TVP23A: variants seen among roughly 807,000 people sequenced by gnomAD.
The protein encoded by TVP23A is Golgi apparatus membrane protein TVP23 homolog A.
A neutral mutation model predicts 31.7 loss-of-function variants in TVP23A; 21 were observed. The observed-to-expected ratio is 0.66, with a 90% confidence interval of 0.47 to 0.95. TVP23A has a LOEUF of 0.95. Ranked by LOEUF, TVP23A falls within the 40% of genes least tolerant of loss-of-function variation. The pLI is 0.00. For synonymous variants in TVP23A, 104 were observed against 96.0 expected, an observed-to-expected ratio of 1.08 and a Z score of -0.49; for missense variants, 279 against 255.6, an observed-to-expected ratio of 1.09 and a Z score of -0.62.
rs374038802 is a variant in TVP23A at position 10,767,408 on chromosome 16, C to A, written c.*1694G>T. On this transcript the variant is annotated 3_prime_UTR_variant, in exon 8 of 8. Coordinates refer to ENST00000299866, the MANE Select transcript of TVP23A (RefSeq NM_001079512.4). The surrounding 1 kb of genome is among the most constrained non-coding windows in gnomAD (Gnocchi z 4.6). ...CCTGGAAGATAAAATTATACACAGA[C>A]AAAGCAGCAGGCAGAATGTGTGTGT... 5.0e-5 allele frequency: 20 copies of A among 400,124 alleles called. No individual in the cohort carries two copies. The highest frequency in any genetic ancestry group is 3.5e-4 in the African/African-American group (17 of 48,762). The allele number at this position is 400,124 out of a possible 1,614,324, so 24.8% of individuals were successfully genotyped here. A position where few individuals can be genotyped will look rare whatever the true frequency, so the allele number is the denominator to read the frequency against.
At chr16:10,758,102 A>G (rs941037581), downstream of TVP23A, 3 of 1,536,304 alleles carry the variant, frequency 2.0e-6, no homozygotes, top group South Asian at 3.5e-5. Context: ...CCTGGCTCTG[A>G]TACTCTGGTC....
At chr16:10,787,711 A>T (rs185548335) in intron 2 of TVP23A, among the ~76,000 whole-genome samples, 2 of 152,050 alleles carry the variant, frequency 1.3e-5, no homozygotes, top group East Asian at 3.9e-4. Flanking sequence ...TCTCTCTCAC[A>T]GGAGAGAGAG....
Position 10,767,711 on chromosome 16 carries a change from G to A in TVP23A, c.*1391C>T. ...CTGAATCAGTTCTCTGTAGGGCCCT[G>A]GAACCTGCATTTTCTGTACACCACC... On this transcript the variant is annotated 3_prime_UTR_variant, in exon 8 of 8. Coordinates refer to ENST00000299866, the MANE Select transcript of TVP23A (RefSeq NM_001079512.4). The surrounding 1 kb of genome is among the most constrained non-coding windows in gnomAD (Gnocchi z 4.6). 1.8e-6 allele frequency: 1 copy of A among 566,734 alleles called. No homozygotes were observed. The highest frequency in any genetic ancestry group is 3.1e-5 in the Admixed American group (1 of 32,302). The allele number at this position is 566,734 out of a possible 1,614,324, so 35.1% of individuals were successfully genotyped here.
chr16:10,798,446 T>A lies in TVP23A; in HGVS notation c.89+19657A>T, dbSNP rs569440803. Among the ~76,000 whole-genome samples the A allele has an allele frequency of 2.6e-5, 4 of 152,248 alleles. No individual in the cohort carries two copies. The South Asian group carries it at 8.3e-4, about 32-fold the overall frequency. On this transcript the variant is annotated intron_variant, in intron 2 of 7. Transcript: ENST00000299866. ...GCACAGTGGACACGGTAGATACCCA[T>A]GCGTTTGTTCCTTCTTTGGGATGGG...
intron 2 of TVP23A, among the ~76,000 whole-genome samples, chr16:10,787,173 ATG>A (rs2032810996): frequency 6.6e-6 from 1 of 152,212 alleles, no homozygotes; most frequent in Admixed American, 6.5e-5. Flanking sequence ...CTTGCTGGGT[ATG>A]CAGTCCTGGA....
At chr16:10,776,990 G>C (rs2032070632) in intron 2 of TVP23A, among the ~76,000 whole-genome samples, 1 of 152,086 alleles carries the variant, frequency 6.6e-6, no homozygotes, top group South Asian at 2.1e-4. Context: ...AGGTCTTTAT[G>C]ACCTGTATCC....
At chr16:10,782,098 G>C (rs2032461869) in intron 2 of TVP23A, among the ~76,000 whole-genome samples, 1 of 151,866 alleles carries the variant, frequency 6.6e-6, no homozygotes, top group Admixed American at 6.6e-5. Flanking sequence ...CTGACCTCAG[G>C]TGATCCACCT....
At chr16:10,770,197 G>A in intron 7 of TVP23A, 75 bp downstream of exon 7, 1 of 1,528,064 alleles carries the variant, frequency 6.5e-7, no homozygotes, top group Non-Finnish European at 8.8e-7. Context: ...CAGACCCCGG[G>A]CCCCTGTGCC....
At position 10,767,208 on chromosome 16, in the gene TVP23A, G is replaced by C; in HGVS notation, c.*1894C>G. On this transcript the variant is annotated 3_prime_UTR_variant, in exon 8 of 8. Transcript: ENST00000299866. The surrounding 1 kb of genome is among the most constrained non-coding windows in gnomAD (Gnocchi z 4.6). The stretch of plus-strand genomic sequence containing the variant: ...CAGGTCCACCCACGACTGGGGGCTG[G>C]CAGGGCAGACTGGAGGCGAGAACAC... The C allele has an allele frequency of 2.5e-6, 1 of 399,908 alleles. No individual in the cohort carries two copies. The allele number at this position is 399,908 out of a possible 1,614,324, so 24.8% of individuals were successfully genotyped here.
chr16:10,773,532 GC>G, intron 4 of TVP23A, 91 bp from the exon 5 acceptor site: 1 of 1,419,232 alleles, frequency 7.0e-7, no homozygotes, highest in Non-Finnish European at 9.5e-7. Flanking sequence ...TTTTGCAGAT[GC>G]TTTTGTTGCT....
In TVP23A at chr16:10,771,606, C is replaced by T. The variant is rs2031626064; in HGVS notation, c.582+64G>A. 4.4e-6 allele frequency: 7 copies of T among 1,597,330 alleles called. No individual in the cohort carries two copies. The South Asian group carries it at 7.8e-5, about 18-fold the overall frequency. On this transcript the variant is annotated intron_variant, in intron 6 of 7. Coordinates refer to ENST00000299866, the MANE Select transcript of TVP23A (RefSeq NM_001079512.4). Reference sequence around the variant, plus strand: ...TTACATTACAAACCGCAGTTGCCAGCAGGCCACCTTGACTTTGACTACCTG... The same window carrying T: ...TTACATTACAAACCGCAGTTGCCAGTAGGCCACCTTGACTTTGACTACCTG...
At chr16:10,771,975 G>A (rs1029221336) in intron 5 of TVP23A, among the ~76,000 whole-genome samples, 177 bp from the exon 6 acceptor site, 5 of 151,896 alleles carry the variant, frequency 3.3e-5, no homozygotes, top group Admixed American at 2.6e-4. Flanking sequence ...TCCGCCACCA[G>A]GCCTGGCTAA....
downstream of TVP23A, chr16:10,761,738 C>T: frequency 6.3e-7 from 1 of 1,599,018 alleles, no homozygotes; most frequent in Non-Finnish European, 8.6e-7. Flanking sequence ...GTTTCCTCCC[C>T]TTTGAATTTG....
At chr16:10,761,913 A>G, downstream of TVP23A, 2 of 1,418,490 alleles carry the variant, frequency 1.4e-6, 1 homozygote, top group Middle Eastern at 3.6e-4. Flanking sequence ...CCCCACAGGC[A>G]CGGGTCGGGC....
chr16:10,758,880 T>G (rs1900751366), downstream of TVP23A, among the ~76,000 whole-genome samples: 1 of 152,172 alleles, frequency 6.6e-6, no homozygotes, highest in South Asian at 2.1e-4. Context: ...AGGCCCATGG[T>G]GAGCCCGAGC....
chr16:10,793,751 T>C (rs1176739559), intron 2 of TVP23A, among the ~76,000 whole-genome samples: 1 of 150,888 alleles, frequency 6.6e-6, no homozygotes, highest in African/African-American at 2.4e-5. Context: ...AAAATAAACC[T>C]AGCTGGGCAT....
chr16:10,769,427 C>G, intron 7 of TVP23A: 1 of 279,696 alleles, frequency 3.6e-6, no homozygotes, highest in Non-Finnish European at 6.6e-6. Context: ...GAAGCTTAGT[C>G]GATTGTAGAA....
At chr16:10,802,874 T>C (rs2033767890) in intron 2 of TVP23A, among the ~76,000 whole-genome samples, 1 of 152,352 alleles carries the variant, frequency 6.6e-6, no homozygotes, top group African/African-American at 2.4e-5. Flanking sequence ...TAATCACGAA[T>C]GCTAAATTTG....
intron 2 of TVP23A, among the ~76,000 whole-genome samples, chr16:10,803,868 T>C (rs1415194826): frequency 6.6e-6 from 1 of 152,098 alleles, no homozygotes; most frequent in African/African-American, 2.4e-5. Context: ...TTTGGGGTAA[T>C]GAAAATGTTT....
Sources: allele counts gnomAD v4.1 joint callset (sites outside exome capture counted in the v4.1 genomes callset), GRCh38; gene constraint gnomAD v4.1.1; non-coding constraint Gnocchi (gnomAD v3.1); transcripts MANE v1.5; gene names NCBI Gene and HGNC (gene_info 2026-07-23, HGNC 2026-07-21).